KRT32: variants seen among roughly 807,000 people sequenced by gnomAD.
KRT32 encodes keratin 32.
In KRT32, 44 loss-of-function variants were observed where a neutral mutation model predicts 41.8. The ratio of observed to expected loss-of-function variants is 1.05; its 90% CI spans 0.83 to 1.35. KRT32 has a LOEUF of 1.35. KRT32 is among the 40% of genes most tolerant of loss of function. KRT32 has a pLI of 0.00. For synonymous variants in KRT32, 238 were observed against 242.5 expected, an observed-to-expected ratio of 0.98 and a Z score of 0.17; for missense variants, 576 against 584.6, an observed-to-expected ratio of 0.99 and a Z score of 0.15.
chr17:41,465,715 C>G (rs147177232), intron 3 of KRT32, 58 bp downstream of exon 3: 24 of 1,565,182 alleles, frequency 1.5e-5, no homozygotes, highest in Admixed American at 5.3e-5. Context: ...CAACCCCATA[C>G]CCCACGTTCC....
chr17:41,466,890 GA>G lies in KRT32; in HGVS notation c.435del (p.His146IlefsTer24). On this transcript the variant is annotated frameshift_variant, in exon 1 of 7. Transcript: ENST00000225899. LOFTEE classifies it high-confidence loss of function. ...QVLTMTPDYQSHFRTIEELQQ... is the reference protein window; with the variant it reads ...QVLTMTPDYQXHFRTIEELQQ... ...TGGAGCTCCTCAATGGTCCTGAAAT[GA>G]GACTGGTAGTCAGGAGTCATGGTGA... 1 of 1,614,004 alleles carries G rather than the reference GA, an allele frequency of 6.2e-7. No homozygotes were observed. The highest frequency in any genetic ancestry group is 1.1e-5 in the South Asian group (1 of 91,076).
Position 41,464,441 on chromosome 17 carries a change from T to C in KRT32, c.711A>G (p.Glu237=). Reference sequence around the variant, plus strand: ...CAAGCTGGCATCGAAGGGAACCGACTTCCTGAAAAGGCACAAGACCTCCAG... The same window carrying C: ...CAAGCTGGCATCGAAGGGAACCGACCTCCTGAAAAGGCACAAGACCTCCAG... ...LMCLKKNHEE[E]VGSLRCQLGD... is the part of the protein sequence containing the mutation. Residue 237 remains glutamate (E), a splice_region_variant and synonymous_variant, in exon 4 of 7, where the codon GAA becomes GAG. Transcript: ENST00000225899. The C allele has an allele frequency of 5.1e-6, 8 of 1,554,442 alleles. No homozygotes were observed. The highest frequency in any genetic ancestry group is 6.9e-6 in the Non-Finnish European group (8 of 1,152,250).
chr17:41,465,682 G>C, intron 3 of KRT32, 91 bp downstream of exon 3: 2 of 1,335,308 alleles, frequency 1.5e-6, no homozygotes, highest in African/African-American at 2.9e-5. Context: ...TGGCAGGCTT[G>C]GGAATTTCAA....
intron 6 of KRT32, among the ~76,000 whole-genome samples, chr17:41,461,595 A>T (rs2019002014): frequency 6.6e-6 from 1 of 152,270 alleles, no homozygotes; most frequent in Non-Finnish European, 1.5e-5. Flanking sequence ...AACTATTGGA[A>T]GATCAGCAAT....
chr17:41,464,561 C>T, intron 3 of KRT32, 118 bp from the exon 4 acceptor site: 1 of 955,082 alleles, frequency 1.0e-6, no homozygotes, highest in African/African-American at 1.6e-5. Context: ...TTAGATGGCC[C>T]CTAAGGACTG....
At chr17:41,465,734 T>G in intron 3 of KRT32, 39 bp downstream of exon 3, 1 of 1,589,852 alleles carries the variant, frequency 6.3e-7, no homozygotes, top group Non-Finnish European at 8.6e-7. Flanking sequence ...CCTCCCCCTC[T>G]GCTTCCCGGG....
rs777140144 is a variant in KRT32 at position 41,462,946 on chromosome 17, C to G, written c.1101G>C (p.Glu367Asp). 13 of 1,614,152 alleles carry G rather than the reference C, an allele frequency of 8.1e-6. No individual in the cohort carries two copies. The highest frequency in any genetic ancestry group is 1.7e-4 in the Middle Eastern group (1 of 6,058). Reference sequence around the variant, plus strand: ...TCTGCCGCTCCAGGTCAGCCCGGATCTCAGCCAGCTGGGCCTCAACGTTGG... The same window carrying G: ...TCTGCCGCTCCAGGTCAGCCCGGATGTCAGCCAGCTGGGCCTCAACGTTGG... ...MITNVEAQLA[E>D]IRADLERQNQ... The change falls in exon 6 of 7, where the codon GAG becomes GAC. Residue 367 changes from glutamate to aspartate, a missense_variant. Glu to Asp is a conservative substitution (Grantham distance 45, BLOSUM62 2). Transcript: ENST00000225899.
intron 6 of KRT32, among the ~76,000 whole-genome samples, chr17:41,460,858 A>G (rs140895678): frequency 6.6e-6 from 1 of 152,218 alleles, no homozygotes; most frequent in Admixed American, 6.5e-5. Context: ...CCCAGAAGTT[A>G]AAGTAAAATA....
Position 41,462,919 on chromosome 17 carries a change from G to T in KRT32, c.1128C>A (p.Asn376Lys), listed in dbSNP as rs1302000901. 3 of 1,614,072 alleles carry T rather than the reference G, an allele frequency of 1.9e-6. No individual in the cohort carries two copies. The highest frequency in any genetic ancestry group is 8.5e-7 in the Non-Finnish European group (1 of 1,180,000). Residue 376 changes from asparagine (N) to lysine (K), a missense_variant, in exon 6 of 7, where the codon AAC becomes AAA. Transcript: ENST00000225899. ...AEIRADLERQ[N>K]QEYQVLLDVR... ...CGTCCAGCAGCACCTGGTACTCCTG[G>T]TTCTGCCGCTCCAGGTCAGCCCGGA... is the stretch of plus-strand genomic sequence containing the variant.
chr17:41,462,857 C>T lies in KRT32; in HGVS notation c.1190G>A (p.Arg397Gln), dbSNP rs145417626. Residue 397 changes from arginine (R) to glutamine (Q), a missense_variant, in exon 6 of 7, where the codon CGG (arginine) becomes CAG (glutamine). Transcript: ENST00000225899. ...ARLEGEINTY[R>Q]SLLENEDCKL... ...GCAGTCCTCGTTCTCCAGCAGGCTC[C>T]GGTACGTGTTGATCTCGCCCTCCAG... is the stretch of plus-strand genomic sequence containing the variant. 1,609 of 1,613,532 alleles carry T rather than the reference C, an allele frequency of 1.0e-3. No homozygotes were observed. The highest frequency in any genetic ancestry group is 1.2e-3 in the Non-Finnish European group (1,466 of 1,179,914).
At position 41,467,201 on chromosome 17, in the gene KRT32, T is replaced by C; in HGVS notation, c.125A>G (p.Gln42Arg). Residue 42 changes from glutamine to arginine, a missense_variant, in exon 1 of 7, where the codon CAG (glutamine) becomes CGG (arginine). Gln to Arg is a conservative substitution (Grantham distance 43). Coordinates refer to ENST00000225899, the MANE Select transcript of KRT32 (RefSeq NM_002278.3). ...GACCGAAGGCAGGCATGCCATGGGC[T>C]GGCAGACATAGCCCAGGCACAGCTC... is the stretch of plus-strand genomic sequence containing the variant. ...RPELCLGYVC[Q>R]PMACLPSVCL... 6.2e-7 allele frequency: 1 copy of C among 1,613,914 alleles called. No homozygotes were observed. The highest frequency in any genetic ancestry group is 2.2e-5 in the East Asian group (1 of 44,878).
intron 6 of KRT32, among the ~76,000 whole-genome samples, chr17:41,462,218 T>C (rs2144447025): frequency 6.6e-6 from 1 of 152,158 alleles, no homozygotes; most frequent in Non-Finnish European, 1.5e-5. Context: ...TCAAAACAAT[T>C]TCCACTCACC....
chr17:41,460,327 C>T lies in KRT32; in HGVS notation c.1218-88G>A, dbSNP rs1382218775. The T allele has an allele frequency of 5.5e-6, 8 of 1,466,276 alleles. No individual in the cohort carries two copies. The Admixed American group carries it at 1.6e-4, about 29-fold the overall frequency. The allele number at this position is 1,466,276 out of a possible 1,614,324, so 90.8% of individuals were successfully genotyped here. A position where few individuals can be genotyped will look rare whatever the true frequency, so the allele number is the denominator to read the frequency against. Reference sequence around the variant, plus strand: ...GCCAATTCTCCCCTCGGATGCCTCTCAACCCCATCTTCCGTGCTTTCTCTG... The same window carrying T: ...GCCAATTCTCCCCTCGGATGCCTCTTAACCCCATCTTCCGTGCTTTCTCTG... On this transcript the variant is annotated intron_variant, in intron 6 of 6. Transcript: ENST00000225899.
Position 41,459,972 on chromosome 17 carries a change from C to G in KRT32, c.*138G>C, listed in dbSNP as rs952319376. 6 of 856,788 alleles carry G rather than the reference C, an allele frequency of 7.0e-6. No homozygotes were observed. Among genetic ancestry groups the G allele is most frequent in the Non-Finnish European group, 1.1e-5 (6 of 568,880 alleles). 53.1% of individuals were successfully genotyped at this position (856,788 alleles called of 1,614,324 possible). A position where few individuals can be genotyped will look rare whatever the true frequency, so the allele number is the denominator to read the frequency against. On this transcript the variant is annotated 3_prime_UTR_variant, in exon 7 of 7. Transcript: ENST00000225899. ...AGGGCTTAAGTATCCCCTGGAGTAT[C>G]AGAGCTTGTTGCAGGTGATCCACGG...
In KRT32 at chr17:41,466,997, T is replaced by C; in HGVS notation, c.329A>G (p.Tyr110Cys). ...CTCCAGCTGCCGCACCCTCGTCAGG[T>C]AGCTGGCCAGGCGGTCGTTAAGGAA... The part of the protein sequence containing the change: ...MQFLNDRLAS[Y>C]LTRVRQLEQE... The change falls in exon 1 of 7, where the codon TAC becomes TGC. Residue 110 changes from tyrosine to cysteine, a missense_variant. Physicochemically the swap from Tyr to Cys is radical, Grantham distance 194. Transcript: ENST00000225899. The C allele has an allele frequency of 6.2e-7, 1 of 1,614,184 alleles. No individual in the cohort carries two copies. Among genetic ancestry groups the C allele is most frequent in the African/African-American group, 1.3e-5 (1 of 75,054 alleles).
chr17:41,460,918 C>T (rs2018996261), intron 6 of KRT32, among the ~76,000 whole-genome samples: 1 of 152,092 alleles, frequency 6.6e-6, no homozygotes, highest in African/African-American at 2.4e-5. Context: ...CATGATCCTG[C>T]TCCCACCTCT....
intron 6 of KRT32, 131 bp from the exon 7 acceptor site, chr17:41,460,370 C>A: frequency 8.7e-7 from 1 of 1,145,202 alleles, no homozygotes; most frequent in Non-Finnish European, 1.3e-6. Context: ...TCCCTGGTCC[C>A]AACCTCCGCC....
rs1290743617 is a variant in KRT32, at chr17:41,465,795, C to T, written c.686G>A (p.Cys229Tyr). Residue 229 changes from cysteine to tyrosine, a missense_variant, in exon 3 of 7, where the codon TGC becomes TAC. Transcript: ENST00000225899. Reference sequence around the variant, plus strand: ...CACCTCCTCATGGTTCTTTTTGAGGCACATCAGCTCCTCCTTCAGGGACTC... The same window carrying T: ...CACCTCCTCATGGTTCTTTTTGAGGTACATCAGCTCCTCCTTCAGGGACTC... Reference protein sequence around the residue: ...QVESLKEELMCLKKNHEEEVG... With the variant: ...QVESLKEELMYLKKNHEEEVG... The T allele has an allele frequency of 1.9e-6, 3 of 1,611,814 alleles. No individual in the cohort carries two copies. Among genetic ancestry groups the T allele is most frequent in the Non-Finnish European group, 1.7e-6 (2 of 1,178,918 alleles).
At position 41,467,091 on chromosome 17, in the gene KRT32, C is replaced by T. The variant is rs774985956; in HGVS notation, c.235G>A (p.Gly79Ser). The change falls in exon 1 of 7, where the codon GGC becomes AGC. Residue 79 changes from glycine (G) to serine (S), a missense_variant. By Grantham distance (56) the Gly-to-Ser change is moderately conservative. Transcript: ENST00000225899. ...TACCAGCTGCCGGGGCCCATGGAGCCGGAGATGCCACTGGCTGCCTGGCAG... is the reference window on the plus strand; with the variant it reads ...TACCAGCTGCCGGGGCCCATGGAGCTGGAGATGCCACTGGCTGCCTGGCAG... ...SSCQAASGIS[G>S]SMGPGSWYSE... The T allele has an allele frequency of 8.1e-6, 13 of 1,614,208 alleles. No homozygotes were observed. Among genetic ancestry groups the T allele is most frequent in the African/African-American group, 2.7e-5 (2 of 75,064 alleles).
Sources: allele counts gnomAD v4.1 joint callset (sites outside exome capture counted in the v4.1 genomes callset), GRCh38; gene constraint gnomAD v4.1.1; transcripts MANE v1.5; gene names NCBI Gene and HGNC (gene_info 2026-07-23, HGNC 2026-07-21).